BDP1: variants seen among roughly 807,000 people sequenced by gnomAD.
The protein encoded by BDP1 is BDP1 general transcription factor IIIB subunit, also known as transcription factor TFIIIB component B'' homolog.
A neutral mutation model predicts 266.6 loss-of-function variants in BDP1; 169 were observed. The ratio of observed to expected loss-of-function variants is 0.63; its 90% CI spans 0.56 to 0.72. The LOEUF (loss-of-function observed/expected upper bound fraction) is 0.72, where lower values mean the gene tolerates loss of function less well. BDP1 is among the 30% of genes least tolerant of loss of function. The probability of loss-of-function intolerance (pLI) is 0.00; values close to 1 mark genes in which losing one functional copy is unlikely to be tolerated. For missense variants in BDP1, 3,015 were observed against 3,053.8 expected, an observed-to-expected ratio of 0.99 and a Z score of 0.30; for synonymous variants, 1,090 against 1,022.4, an observed-to-expected ratio of 1.07 and a Z score of -1.26.
chr5:71,458,536 A>G lies in BDP1; in HGVS notation c.213-43A>G, dbSNP rs765162920. On this transcript the variant is annotated intron_variant, in intron 1 of 38. Coordinates refer to ENST00000358731, the MANE Select transcript of BDP1 (RefSeq NM_018429.3). ...AGGTTTTAAAACTAGCATGTGTAAC[A>G]GAAGATTCATGTGCCCTCTTTTTTC... 4 of 1,466,168 alleles carry G rather than the reference A, an allele frequency of 2.7e-6. No individual in the cohort carries two copies. In the Admixed American group the frequency reaches 7.0e-5, roughly 26 times the overall value. The allele number at this position is 1,466,168 out of a possible 1,614,324, so 90.8% of individuals were successfully genotyped here.
At chr5:71,457,927 C>T (rs1761299228) in intron 1 of BDP1, among the ~76,000 whole-genome samples, 1 of 152,060 alleles carries the variant, frequency 6.6e-6, no homozygotes, top group Non-Finnish European at 1.5e-5. Flanking sequence ...TATACCATAC[C>T]TAATATGCAA....
chr5:71,562,639 C>T, intron 38 of BDP1, 119 bp downstream of exon 38: 1 of 1,483,442 alleles, frequency 6.7e-7, no homozygotes, highest in Non-Finnish European at 9.1e-7. Context: ...TTTAGAGCAA[C>T]TCCCATCCTT....
intron 34 of BDP1, among the ~76,000 whole-genome samples, chr5:71,551,160 AG>A (rs1264327649): frequency 4.0e-5 from 6 of 151,202 alleles, no homozygotes; most frequent in Non-Finnish European, 8.8e-5. Flanking sequence ...TTTCTCGCAG[AG>A]GGGGATTTGG....
At chr5:71,516,837 TAAAC>T (rs760647957) in intron 21 of BDP1, among the ~76,000 whole-genome samples, 6 of 152,284 alleles carry the variant, frequency 3.9e-5, no homozygotes, top group African/African-American at 9.6e-5. Context: ...ATTTTTCTGT[TAAAC>T]AATGCAAAGT....
At chr5:71,487,719 G>A (rs2150404784) in intron 9 of BDP1, among the ~76,000 whole-genome samples, 1 of 152,194 alleles carries the variant, frequency 6.6e-6, no homozygotes, top group East Asian at 1.9e-4. Context: ...GAAGACTAAG[G>A]ATTCAGCATC....
intron 22 of BDP1, among the ~76,000 whole-genome samples, chr5:71,519,492 A>C (rs1400731969): frequency 6.6e-6 from 1 of 152,122 alleles, no homozygotes; most frequent in Admixed American, 6.5e-5. Flanking sequence ...TCTGGTGAGC[A>C]CCATTCTAAT....
At chr5:71,459,018 G>A (rs920582131) in intron 2 of BDP1, among the ~76,000 whole-genome samples, 163 bp downstream of exon 2, 1 of 152,158 alleles carries the variant, frequency 6.6e-6, no homozygotes, top group Non-Finnish European at 1.5e-5. Flanking sequence ...TTGATACACC[G>A]TGGACTTAAA....
intron 13 of BDP1, among the ~76,000 whole-genome samples, chr5:71,498,781 T>C (rs998574822): frequency 6.7e-6 from 1 of 149,080 alleles, no homozygotes; most frequent in African/African-American, 2.5e-5. Flanking sequence ...TGGAGTGCAA[T>C]GGCATGATCC....
intron 12 of BDP1, 35 bp from the exon 13 acceptor site, chr5:71,497,235 T>C: frequency 6.3e-7 from 1 of 1,588,542 alleles, no homozygotes; most frequent in Non-Finnish European, 8.6e-7. Flanking sequence ...CATGACTGCA[T>C]GTTTGATGCT....
chr5:71,544,932 A>G, intron 31 of BDP1, 107 bp from the exon 32 acceptor site: 1 of 863,592 alleles, frequency 1.2e-6, no homozygotes, highest in Non-Finnish European at 1.8e-6. Flanking sequence ...ATATGTTTTA[A>G]AAGTTTGAAA....
At chr5:71,489,763 T>C (rs1763477062) in intron 10 of BDP1, 81 bp downstream of exon 10, 2 of 1,238,398 alleles carry the variant, frequency 1.6e-6, no homozygotes, top group South Asian at 3.0e-5. Context: ...CTTAATTTTC[T>C]GTCTAGATAG....
At chr5:71,479,648 G>A (rs1580021316) in intron 7 of BDP1, among the ~76,000 whole-genome samples, 1 of 146,458 alleles carries the variant, frequency 6.8e-6, no homozygotes, top group African/African-American at 2.5e-5. Context: ...CCGGGTTCAC[G>A]CCATTCTCCT....
chr5:71,489,552 A>G lies in BDP1; in HGVS notation c.1362A>G (p.Ala454=). The change falls in exon 10 of 39, where the codon GCA becomes GCG. Residue 454 remains alanine (A), a synonymous_variant. Transcript: ENST00000358731. ...TLSREDAEQV[A]LEVDLNQKKR... The stretch of plus-strand genomic sequence containing the variant: ...CAAGGGAGGATGCAGAGCAGGTTGC[A>G]TTAGAAGTAGACCTAAATCAAAAGA... The G allele has an allele frequency of 1.2e-6, 2 of 1,614,180 alleles. No individual in the cohort carries two copies. The highest frequency in any genetic ancestry group is 1.7e-6 in the Non-Finnish European group (2 of 1,180,018).
At chr5:71,563,142 T>G (rs1285260615) in intron 38 of BDP1, among the ~76,000 whole-genome samples, 1 of 152,190 alleles carries the variant, frequency 6.6e-6, no homozygotes, top group Non-Finnish European at 1.5e-5. Context: ...TGGGTTTTGT[T>G]TTTTTTGTGT....
At chr5:71,554,619 C>A (rs1181227835) in intron 35 of BDP1, among the ~76,000 whole-genome samples, 1 of 152,104 alleles carries the variant, frequency 6.6e-6, no homozygotes, top group Non-Finnish European at 1.5e-5. Context: ...TAGTACTTTA[C>A]TAAGTACAAA....
intron 26 of BDP1, among the ~76,000 whole-genome samples, chr5:71,535,175 T>A (rs1425167064): frequency 1.3e-5 from 2 of 151,972 alleles, no homozygotes; most frequent in African/African-American, 4.8e-5. Flanking sequence ...GGAGATTATG[T>A]CCTGATAAAC....
chr5:71,527,864 A>T (rs2150525722), intron 25 of BDP1, among the ~76,000 whole-genome samples: 1 of 145,202 alleles, frequency 6.9e-6, no homozygotes, highest in South Asian at 2.2e-4. Flanking sequence ...CCTAGGCTGG[A>T]GTAGAGTACA....
At chr5:71,539,131 T>C in intron 27 of BDP1, 53 bp downstream of exon 27, 1 of 1,211,186 alleles carries the variant, frequency 8.3e-7, no homozygotes, top group Non-Finnish European at 1.2e-6. Flanking sequence ...ACTAGTACAG[T>C]GATTTAATAG....
chr5:71,520,078 TG>T (rs1217720397), intron 22 of BDP1, among the ~76,000 whole-genome samples: 1 of 152,242 alleles, frequency 6.6e-6, no homozygotes, highest in African/African-American at 2.4e-5. Context: ...TTGAACATTT[TG>T]TCAGACACCT....
Sources: gnomAD v4.1 joint callset for allele counts (sites outside exome capture counted in the v4.1 genomes callset) on GRCh38, gnomAD v4.1.1 for gene constraint, MANE v1.5 for transcripts, NCBI Gene and HGNC (gene_info 2026-07-23, HGNC 2026-07-21) for gene names.